The following CENPC variants were observed in gnomAD, a reference collection of about 807,000 sequenced individuals.
CENPC encodes the protein centromere protein C, also known as CENP-C 1.
CENPC carries 63 observed loss-of-function variants against 112.1 expected under a neutral mutation model. The ratio of observed to expected loss-of-function variants is 0.56; its 90% confidence interval spans 0.46 to 0.69. The LOEUF is 0.69. CENPC is among the 30% of genes least tolerant of loss of function. CENPC has a pLI of 0.00. For synonymous variants in CENPC, 333 were observed against 367.6 expected, an observed-to-expected ratio of 0.91 and a Z score of 1.08; for missense variants, 1,000 against 1,103.8, an observed-to-expected ratio of 0.91 and a Z score of 1.33.
intron 17 of CENPC, among the ~76,000 whole-genome samples, chr4:67,483,722 G>A (rs895415875): frequency 9.2e-5 from 14 of 151,968 alleles, no homozygotes; most frequent in African/African-American, 3.1e-4. Flanking sequence ...TCCTAATCTT[G>A]TGTAGCCCAA....
rs1288512317 is a variant in CENPC, at chr4:67,508,846, G to C, written c.1872C>G (p.Asp624Glu). 6.2e-7 allele frequency: 1 copy of C among 1,613,462 alleles called. No individual in the cohort carries two copies. Among genetic ancestry groups the C allele is most frequent in the Non-Finnish European group, 8.5e-7 (1 of 1,179,672 alleles). Reference sequence around the variant, plus strand: ...AATCAAGATTTTTCTTCTTAGCCAAGTCTGCCTCATCACTTTCCAATGGCT... The same window carrying C: ...AATCAAGATTTTTCTTCTTAGCCAACTCTGCCTCATCACTTTCCAATGGCT... ...LSEPLESDEA[D>E]LAKKKNLDCS... Residue 624 changes from aspartate to glutamate, a missense_variant, in exon 10 of 19, where the codon GAC (aspartate) becomes GAG (glutamate). By Grantham distance (45) the Asp-to-Glu change is conservative. Transcript: ENST00000273853.
intron 17 of CENPC, among the ~76,000 whole-genome samples, chr4:67,477,597 A>C (rs1724840777): frequency 6.6e-6 from 1 of 152,174 alleles, no homozygotes; most frequent in Non-Finnish European, 1.5e-5. Flanking sequence ...AGTCTACCCA[A>C]ATGAGAAGAA....
chr4:67,532,821 C>T (rs1726597717), intron 4 of CENPC, among the ~76,000 whole-genome samples: 1 of 152,140 alleles, frequency 6.6e-6, no homozygotes, highest in Non-Finnish European at 1.5e-5. Flanking sequence ...GGGTGCAGCA[C>T]ACCAACATGG....
At chr4:67,484,907 C>CA (rs1337207078) in intron 17 of CENPC, among the ~76,000 whole-genome samples, 5 of 152,098 alleles carry the variant, frequency 3.3e-5, no homozygotes, top group Admixed American at 3.3e-4. Context: ...TCCTGGCTAA[C>CA]ACAGTGAAAC....
chr4:67,488,678 G>A (rs929164236), intron 17 of CENPC, among the ~76,000 whole-genome samples: 1 of 151,896 alleles, frequency 6.6e-6, no homozygotes, highest in Admixed American at 6.6e-5. Flanking sequence ...TTACTTCAGT[G>A]ATGATAATTC....
chr4:67,528,609 T>G (rs777902163), intron 5 of CENPC, among the ~76,000 whole-genome samples: 15 of 152,226 alleles, frequency 9.9e-5, no homozygotes, highest in Non-Finnish European at 1.8e-4. Context: ...TTGCATGTTT[T>G]AATGTGTTCA....
At chr4:67,504,060 T>C (rs999782836) in intron 12 of CENPC, among the ~76,000 whole-genome samples, 9 of 136,516 alleles carry the variant, frequency 6.6e-5, no homozygotes, top group African/African-American at 2.5e-4. Flanking sequence ...CAAGATAATA[T>C]AGTGATGCTT....
intron 12 of CENPC, among the ~76,000 whole-genome samples, chr4:67,504,657 T>A (rs898835344): frequency 2.0e-5 from 3 of 151,672 alleles, no homozygotes; most frequent in Non-Finnish European, 4.4e-5. Flanking sequence ...CCATCTCTAC[T>A]AAAAAGACAA....
At chr4:67,525,744 A>G (rs1452327655) in intron 5 of CENPC, among the ~76,000 whole-genome samples, 12 of 152,212 alleles carry the variant, frequency 7.9e-5, no homozygotes, top group Admixed American at 6.5e-4. Context: ...TAGTTCAACC[A>G]TTGTGGAAGA....
chr4:67,511,312 T>A (rs1334612543), intron 9 of CENPC, among the ~76,000 whole-genome samples: 1 of 152,156 alleles, frequency 6.6e-6, no homozygotes, highest in East Asian at 1.9e-4. Flanking sequence ...AGGCCTCACA[T>A]ATACAATGCC....
chr4:67,542,539 G>T (rs1253531350), intron 2 of CENPC, among the ~76,000 whole-genome samples: 4 of 152,142 alleles, frequency 2.6e-5, no homozygotes, highest in Non-Finnish European at 5.9e-5. Context: ...TTGGAGCTTT[G>T]CAGAAATACA....
chr4:67,493,043 T>C, intron 14 of CENPC, 46 bp from the exon 15 acceptor site: 1 of 1,435,200 alleles, frequency 7.0e-7, no homozygotes, highest in East Asian at 2.7e-5. Flanking sequence ...AAAGACAAAA[T>C]CTTGAAACAA....
rs772397283 is a variant in CENPC at position 67,530,886 on chromosome 4, G to A, written c.260C>T (p.Pro87Leu). The change falls in exon 5 of 19, where the codon CCA becomes CTA. Residue 87 changes from proline to leucine, a missense_variant. Pro to Leu is a moderately conservative substitution (Grantham distance 98). Transcript: ENST00000273853. ...ECQKSHPKSV[P>L]VSSKKKEASL... is the part of the protein sequence containing the mutation. ...GGCTTCTTTCTTCTTTGAAGAAACTGGAACTGACTTTGGATGTGATTTCTG... is the reference window on the plus strand; with the variant it reads ...GGCTTCTTTCTTCTTTGAAGAAACTAGAACTGACTTTGGATGTGATTTCTG... The A allele has an allele frequency of 7.5e-6, 12 of 1,601,342 alleles. No homozygotes were observed. Among genetic ancestry groups the A allele is most frequent in the Non-Finnish European group, 1.0e-5 (12 of 1,172,890 alleles).
intron 17 of CENPC, among the ~76,000 whole-genome samples, chr4:67,479,669 G>T (rs1724900090): frequency 6.6e-6 from 1 of 152,090 alleles, no homozygotes; most frequent in African/African-American, 2.4e-5. Context: ...AGGAGCTAGA[G>T]AAATAAAAAC....
chr4:67,544,561 A>G (rs1477484026), intron 1 of CENPC, among the ~76,000 whole-genome samples: 2 of 152,258 alleles, frequency 1.3e-5, no homozygotes. Flanking sequence ...AGATCATCGA[A>G]GCTGAAGATT....
intron 4 of CENPC, among the ~76,000 whole-genome samples, chr4:67,533,434 A>G (rs529072559): frequency 1.2e-4 from 19 of 152,306 alleles, no homozygotes; most frequent in Non-Finnish European, 2.4e-4. Context: ...AATACACTAC[A>G]CTGCTGTTGA....
chr4:67,479,141 A>C (rs1157238653), intron 17 of CENPC, among the ~76,000 whole-genome samples: 1 of 152,218 alleles, frequency 6.6e-6, no homozygotes, highest in Non-Finnish European at 1.5e-5. Context: ...TCAATACCCC[A>C]CTGACAGCAG....
At chr4:67,487,433 G>A (rs1307932674) in intron 17 of CENPC, among the ~76,000 whole-genome samples, 1 of 151,634 alleles carries the variant, frequency 6.6e-6, no homozygotes, top group East Asian at 1.9e-4. Flanking sequence ...CCAGCCAGTG[G>A]TAGCATCTTC....
Position 67,472,489 on chromosome 4 carries a change from A to G in CENPC, c.*116T>C, listed in dbSNP as rs981880257. The G allele has an allele frequency of 3.3e-6, 4 of 1,228,188 alleles. No homozygotes were observed. Among genetic ancestry groups the G allele is most frequent in the Admixed American group, 4.0e-5 (1 of 24,894 alleles). The allele number at this position is 1,228,188 out of a possible 1,614,324, so 76.1% of individuals were successfully genotyped here. On this transcript the variant is annotated 3_prime_UTR_variant, in exon 19 of 19. Transcript: ENST00000273853. ...TCAAATACAAGTCTACAGAAAACTG[A>G]ATAAAATTTTTATTTTAAAACATCA...
Sources: allele counts gnomAD v4.1 joint callset (sites outside exome capture counted in the v4.1 genomes callset), GRCh38; gene constraint gnomAD v4.1.1; transcripts MANE v1.5; gene names NCBI Gene and HGNC (gene_info 2026-07-23, HGNC 2026-07-21).